The following TGFBR3 variants were observed in gnomAD, a reference collection of about 807,000 sequenced individuals.
TGFBR3 encodes transforming growth factor beta receptor type 3.
Under a neutral mutation model 87.9 loss-of-function variants are expected in TGFBR3, and 46 were observed. The observed-to-expected ratio is 0.52, with a 90% CI of 0.41 to 0.67. The LOEUF is 0.67. TGFBR3 is among the 30% of genes least tolerant of loss of function. TGFBR3 has a pLI of 0.00. For missense variants in TGFBR3, 866 were observed against 1,041.9 expected (o/e 0.83, Z 2.32); for synonymous variants, 381 against 391.6 (o/e 0.97, Z 0.32).
At chr1:91,820,511 G>T (rs1247178425) in intron 2 of TGFBR3, among the ~76,000 whole-genome samples, 2 of 152,042 alleles carry the variant, frequency 1.3e-5, no homozygotes, top group African/African-American at 4.8e-5. Flanking sequence ...TTGAAACCCC[G>T]TCTGTACTAA....
At chr1:91,874,520 T>C (rs1043571276) in intron 1 of TGFBR3, among the ~76,000 whole-genome samples, 27 of 152,058 alleles carry the variant, frequency 1.8e-4, no homozygotes, top group Non-Finnish European at 3.5e-4. Flanking sequence ...GGTTTTTTGG[T>C]TTTTTGGTCA....
At chr1:91,791,103 G>A (rs1192529) in intron 3 of TGFBR3, among the ~76,000 whole-genome samples, 101,849 of 152,108 alleles carry the variant, frequency 0.67, 34,288 homozygotes, top group East Asian at 0.79. Flanking sequence ...ATCAGATGGC[G>A]AAGTCTGAAT....
intron 15 of TGFBR3, among the ~76,000 whole-genome samples, chr1:91,696,965 C>T (rs907422402): frequency 2.0e-5 from 3 of 152,174 alleles, no homozygotes; most frequent in Non-Finnish European, 4.4e-5. Context: ...TTCTGGTCCC[C>T]ACTCTTCTAG....
At chr1:91,872,655 G>T (rs1010313716) in intron 1 of TGFBR3, among the ~76,000 whole-genome samples, 1 of 152,164 alleles carries the variant, frequency 6.6e-6, no homozygotes, top group African/African-American at 2.4e-5. Context: ...GGGCTGCAAG[G>T]AAATTCTGCC....
upstream of TGFBR3, among the ~76,000 whole-genome samples, chr1:91,888,493 A>T (rs1389885714): frequency 2.0e-5 from 3 of 152,290 alleles, no homozygotes; most frequent in Non-Finnish European, 4.4e-5. Context: ...ACTTGAGGTC[A>T]GGAGTTCTAG....
At position 91,699,936 on chromosome 1, in the gene TGFBR3, C is replaced by T. The variant is rs142066354; in HGVS notation, c.2288-1806G>A. The stretch of plus-strand genomic sequence containing the variant: ...GGTCCACCACCTATTTTTGTATGGC[C>T]CATGAGCTAAGAATGAATTTTATAT... On this transcript the variant is annotated intron_variant, in intron 14 of 16. Coordinates refer to ENST00000212355, the MANE Select transcript of TGFBR3 (RefSeq NM_003243.5). Among the ~76,000 whole-genome samples the T allele has an allele frequency of 6.2e-3, 941 of 152,110 alleles. 5 individuals carry two copies. The highest frequency in any genetic ancestry group is 0.011 in the Non-Finnish European group (736 of 67,982).
chr1:91,712,364 T>C lies in TGFBR3; in HGVS notation c.2045A>G (p.Asp682Gly), dbSNP rs752135289. The change falls in exon 13 of 17, where the codon GAC (aspartate) becomes GGC (glycine). Residue 682 changes from aspartate to glycine, a missense_variant. Physicochemically the swap from Asp to Gly is moderately conservative, Grantham distance 94. Transcript: ENST00000212355. ...AAAGCTGAATCGCTTCTTATCCATG[T>C]CAGCTTGCGGGATAGGAAAGTGCAC... ...KRVHFPIPQADMDKKRFSFVF... is the reference protein window; with the variant it reads ...KRVHFPIPQAGMDKKRFSFVF... 2 of 1,614,222 alleles carry C rather than the reference T, an allele frequency of 1.2e-6. No homozygotes were observed. The highest frequency in any genetic ancestry group is 2.2e-5 in the South Asian group (2 of 91,090).
chr1:91,689,980 A>G (rs902548608), intron 16 of TGFBR3, among the ~76,000 whole-genome samples: 5 of 152,192 alleles, frequency 3.3e-5, no homozygotes, highest in Non-Finnish European at 5.9e-5. Flanking sequence ...ACACATGAAA[A>G]CAAAGATAAC....
chr1:91,817,421 G>A (rs1676273261), intron 2 of TGFBR3, among the ~76,000 whole-genome samples: 1 of 152,148 alleles, frequency 6.6e-6, no homozygotes, highest in Non-Finnish European at 1.5e-5. Context: ...AAAGTAACAT[G>A]TAAGGAAAAA....
chr1:91,902,274 TG>T (rs1204743802), intron 1 of TGFBR3, among the ~76,000 whole-genome samples: 5 of 149,312 alleles, frequency 3.3e-5, no homozygotes, highest in Non-Finnish European at 7.4e-5. Flanking sequence ...TTTTCTTTTG[TG>T]TGTGTGTGTG....
rs1309379710 is a variant in TGFBR3, at chr1:91,720,323, T to C, written c.1076-93A>G. On this transcript the variant is annotated intron_variant, in intron 8 of 16. Transcript: ENST00000212355. ...CAGAACAGGAGGAATTAGCATAGAA[T>C]GGGCAGGTGTAAAATGACTTTTAAT... The C allele has an allele frequency of 3.3e-6, 4 of 1,230,672 alleles. No individual in the cohort carries two copies. The African/African-American group carries it at 6.0e-5, about 18-fold the overall frequency. 76.2% of individuals were successfully genotyped at this position (1,230,672 alleles called of 1,614,324 possible).
intron 2 of TGFBR3, among the ~76,000 whole-genome samples, chr1:91,832,444 C>T (rs545120506): frequency 1.9e-4 from 29 of 152,244 alleles, no homozygotes; most frequent in African/African-American, 7.0e-4. Flanking sequence ...GGAGTGTTTA[C>T]TATTGTGCAA....
chr1:91,708,914 G>A (rs1671888889), intron 13 of TGFBR3, 131 bp from the exon 14 acceptor site: 3 of 1,332,726 alleles, frequency 2.3e-6, no homozygotes, highest in Non-Finnish European at 3.1e-6. Flanking sequence ...AAGCAAGAAG[G>A]TGGGTGTTTT....
In TGFBR3 at chr1:91,683,404, G is replaced by A. The variant is rs1670977680; in HGVS notation, c.*335C>T. On this transcript the variant is annotated 3_prime_UTR_variant, in exon 17 of 17. Transcript: ENST00000212355. ...AAACTCAGGGCCCCAAATTATGGAT[G>A]TTCTCACCTGGACAAAGCAGCATTT... The A allele has an allele frequency of 1.9e-6, 1 of 535,796 alleles. No homozygotes were observed. The highest frequency in any genetic ancestry group is 3.6e-6 in the Non-Finnish European group (1 of 280,754). The allele number at this position is 535,796 out of a possible 1,614,324, so 33.2% of individuals were successfully genotyped here.
At chr1:91,692,179 G>A (rs537013811) in intron 16 of TGFBR3, among the ~76,000 whole-genome samples, 6 of 152,142 alleles carry the variant, frequency 3.9e-5, no homozygotes, top group Non-Finnish European at 7.3e-5. Context: ...TAACCAAAAT[G>A]TCAGTATATT....
At position 91,730,018 on chromosome 1, in the gene TGFBR3, G is replaced by A. The variant is rs138723077; in HGVS notation, c.569-45C>T. 6.8e-6 allele frequency: 11 copies of A among 1,609,712 alleles called. No homozygotes were observed. In the African/African-American group the frequency reaches 1.1e-4, roughly 16 times the overall value. On this transcript the variant is annotated intron_variant, in intron 5 of 16. Transcript: ENST00000212355. ...ATCTGTCAAACCACTGAGGTACTCG[G>A]TAACCAGATTCAAAGGAAGGAGGGT... is the stretch of plus-strand genomic sequence containing the variant.
chr1:91,722,063 T>A lies in TGFBR3; in HGVS notation c.967A>T (p.Thr323Ser), dbSNP rs747370952. 1 of 1,613,994 alleles carries A rather than the reference T, an allele frequency of 6.2e-7. No homozygotes were observed. Among genetic ancestry groups the A allele is most frequent in the Non-Finnish European group, 8.5e-7 (1 of 1,179,938 alleles). The change falls in exon 8 of 17, where the codon ACC becomes TCC. Residue 323 changes from threonine to serine, a missense_variant. Thr to Ser is a moderately conservative substitution (Grantham distance 58). Transcript: ENST00000212355. ...TKSIRDDIPS[T>S]QGNLVKWALD... ...GCCCACTTCACCAGATTCCCTTGGG[T>A]TGAAGGAATGTCATCTCTTATTGAT... is the stretch of plus-strand genomic sequence containing the variant.
At chr1:91,885,836 C>G (rs1679277100) in intron 1 of TGFBR3, 42 bp downstream of exon 1, 1 of 315,398 alleles carries the variant, frequency 3.2e-6, no homozygotes, top group African/African-American at 2.3e-5. Flanking sequence ...GAGCCCACAG[C>G]CCGGGCGGGC....
At chr1:91,756,189 G>A (rs537315352) in intron 4 of TGFBR3, among the ~76,000 whole-genome samples, 1 of 152,250 alleles carries the variant, frequency 6.6e-6, no homozygotes, top group South Asian at 2.1e-4. Context: ...CCTGAAATGT[G>A]GCTAAGCAGG....
Sources: allele counts gnomAD v4.1 joint callset (sites outside exome capture counted in the v4.1 genomes callset), GRCh38; gene constraint gnomAD v4.1.1; transcripts MANE v1.5; gene names NCBI Gene and HGNC (gene_info 2026-07-23, HGNC 2026-07-21).